NAA16: variants seen among roughly 807,000 people sequenced by gnomAD.
NAA16 encodes NARG1-like protein.
Under a neutral mutation model 110.3 loss-of-function variants are expected in NAA16, and 97 were observed. That is an observed-to-expected ratio of 0.88 (90% CI 0.75 to 1.04). NAA16 has a LOEUF of 1.04. Among genes scored for constraint, NAA16 ranks in the 50% least tolerant of loss-of-function variants. The probability of loss-of-function intolerance (pLI) is 0.00; values close to 1 mark genes in which losing one functional copy is unlikely to be tolerated. For synonymous variants in NAA16, 372 were observed against 330.6 expected (o/e 1.13, Z -1.36); for missense variants, 1,017 against 1,005.1 (o/e 1.01, Z -0.16).
chr13:41,334,534 A>G (rs1014005206), intron 8 of NAA16, among the ~76,000 whole-genome samples: 1 of 152,186 alleles, frequency 6.6e-6, no homozygotes, highest in African/African-American at 2.4e-5. Context: ...TATGGACATC[A>G]TGTTTTGGGG....
chr13:41,341,993 G>A (rs1380547100), intron 9 of NAA16, among the ~76,000 whole-genome samples: 1 of 151,332 alleles, frequency 6.6e-6, no homozygotes, highest in African/African-American at 2.4e-5. Context: ...TACCATGCCC[G>A]GCTAATTTTT....
chr13:41,375,708 GATTTTTAAATGGCATATTCTGTAAGCTT>G lies in NAA16; in HGVS notation c.*112_*139del. 1 of 854,852 alleles carries G rather than the reference GATTTTTAAATGGCATATTCTGTAAGCTT, an allele frequency of 1.2e-6. No homozygotes were observed. Among genetic ancestry groups the G allele is most frequent in the Non-Finnish European group, 1.8e-6 (1 of 571,124 alleles). 53.0% of individuals were successfully genotyped at this position (854,852 alleles called of 1,614,324 possible). A position where few individuals can be genotyped will look rare whatever the true frequency, so the allele number is the denominator to read the frequency against. ...CGTATGAAATGAAATATTTGGTTAG[GATTTTTAAATGGCATATTCTGTAAGCTT>G]ATTTTGTTCTTTACCCGACCTGCCA... On this transcript the variant is annotated 3_prime_UTR_variant, in exon 20 of 20. Coordinates refer to ENST00000379406, the MANE Select transcript of NAA16 (RefSeq NM_024561.5).
chr13:41,314,791 A>G (rs1332678411), intron 1 of NAA16, among the ~76,000 whole-genome samples: 1 of 151,554 alleles, frequency 6.6e-6, no homozygotes, highest in Non-Finnish European at 1.5e-5. Flanking sequence ...GCCCAGGAGC[A>G]AAAGACCAAC....
intron 1 of NAA16, among the ~76,000 whole-genome samples, chr13:41,312,274 A>G (rs2041632682): frequency 6.6e-6 from 1 of 152,216 alleles, no homozygotes; most frequent in Non-Finnish European, 1.5e-5. Flanking sequence ...TGCTTGAGTA[A>G]TTAAAGCCGC....
intron 13 of NAA16, chr13:41,362,899 A>G: frequency 1.7e-6 from 2 of 1,173,842 alleles, no homozygotes; most frequent in South Asian, 1.7e-5. Flanking sequence ...GCACCGTGGC[A>G]GTCACTTTGG....
In NAA16 at chr13:41,356,730, C is replaced by CA. The variant is rs1403606957; in HGVS notation, c.1087+1521dup. Among the ~76,000 whole-genome samples the CA allele has an allele frequency of 5.3e-5, 8 of 152,212 alleles. No homozygotes were observed. The East Asian group carries it at 9.7e-4, about 18-fold the overall frequency. On this transcript the variant is annotated intron_variant, in intron 10 of 19. Transcript: ENST00000379406. The stretch of plus-strand genomic sequence containing the variant: ...AGAACAATAACTCTCCCCTCCCTTT[C>CA]AAAAAAACAGTCATTTGTTGAAAGG...
At chr13:41,344,237 A>G (rs2042626530) in intron 9 of NAA16, among the ~76,000 whole-genome samples, 1 of 152,188 alleles carries the variant, frequency 6.6e-6, no homozygotes, top group Non-Finnish European at 1.5e-5. Context: ...GTAAACATCA[A>G]TTTGTATTGC....
intron 9 of NAA16, among the ~76,000 whole-genome samples, chr13:41,340,706 C>G (rs572694774): frequency 6.7e-4 from 75 of 112,410 alleles, no homozygotes; most frequent in Non-Finnish European, 1.0e-3. Flanking sequence ...GACGGAGTCT[C>G]TCTCATTGCG....
intron 1 of NAA16, 110 bp from the exon 2 acceptor site, chr13:41,316,736 A>C: frequency 1.5e-6 from 1 of 679,158 alleles, no homozygotes. Context: ...CCTTTCTATC[A>C]CATTTTAGAC....
At chr13:41,346,572 G>A (rs748191375) in intron 9 of NAA16, among the ~76,000 whole-genome samples, 7 of 152,154 alleles carry the variant, frequency 4.6e-5, no homozygotes. Context: ...GGGTAGGGCA[G>A]GGCGAACAGT....
In NAA16 at chr13:41,367,515, T is replaced by G; in HGVS notation, c.1616T>G (p.Val539Gly). The change falls in exon 14 of 20, where the codon GTT becomes GGT. Residue 539 changes from valine to glycine, a missense_variant. Coordinates refer to ENST00000379406, the MANE Select transcript of NAA16 (RefSeq NM_024561.5). ...AGAAAGATGACCCTTCGTGCCTATG[T>G]TGACCTTTTGAGATTAGAAGATATA... ...CMRKMTLRAYVDLLRLEDILR... is the reference protein window; with the variant it reads ...CMRKMTLRAYGDLLRLEDILR... 1.9e-6 allele frequency: 3 copies of G among 1,613,498 alleles called. No individual in the cohort carries two copies. The highest frequency in any genetic ancestry group is 2.5e-6 in the Non-Finnish European group (3 of 1,179,674).
intron 3 of NAA16, among the ~76,000 whole-genome samples, chr13:41,319,713 C>T (rs1391964823): frequency 2.6e-5 from 4 of 151,522 alleles, no homozygotes; most frequent in African/African-American, 7.3e-5. Context: ...GATGGAGTTT[C>T]GCCATGTTGG....
At chr13:41,366,498 A>G (rs2043209793) in intron 13 of NAA16, among the ~76,000 whole-genome samples, 2 of 152,200 alleles carry the variant, frequency 1.3e-5, no homozygotes, top group Non-Finnish European at 2.9e-5. Flanking sequence ...AAATGCATGC[A>G]GGGGAACAGT....
At chr13:41,372,698 TA>T (rs1410980207) in intron 16 of NAA16, 33 bp from the exon 17 acceptor site, 8 of 1,566,638 alleles carry the variant, frequency 5.1e-6, no homozygotes, top group Non-Finnish European at 6.9e-6. Flanking sequence ...GTGTAAGTAT[TA>T]ATGCTATTAC....
chr13:41,330,446 C>T (rs1343363758), intron 7 of NAA16, among the ~76,000 whole-genome samples: 1 of 151,976 alleles, frequency 6.6e-6, no homozygotes, highest in Non-Finnish European at 1.5e-5. Context: ...GTGGTTTAGA[C>T]CACAGAATTT....
At chr13:41,365,524 A>G (rs186003638) in intron 13 of NAA16, among the ~76,000 whole-genome samples, 1 of 152,336 alleles carries the variant, frequency 6.6e-6, no homozygotes, top group African/African-American at 2.4e-5. Flanking sequence ...TCCAAAAGCA[A>G]ATATTACAAT....
rs532947616 is a variant in NAA16 at position 41,372,688 on chromosome 13, G to A, written c.2057-44G>A. ...ACTGAAATAAAGTGAGGAAAATACT[G>A]TGTAAGTATTAATGCTATTACTTTT... On this transcript the variant is annotated intron_variant, in intron 16 of 19. Coordinates refer to ENST00000379406, the MANE Select transcript of NAA16 (RefSeq NM_024561.5). 4.0e-6 allele frequency: 6 copies of A among 1,516,208 alleles called. No individual in the cohort carries two copies. In the South Asian group the frequency reaches 6.6e-5, roughly 17 times the overall value. The allele number at this position is 1,516,208 out of a possible 1,614,324, so 93.9% of individuals were successfully genotyped here.
intron 9 of NAA16, among the ~76,000 whole-genome samples, chr13:41,338,101 TTC>T (rs2042432058): frequency 6.6e-6 from 1 of 152,228 alleles, no homozygotes; most frequent in Non-Finnish European, 1.5e-5. Flanking sequence ...TGCCAATAAT[TTC>T]TCTAGATTAT....
rs755121734 is a variant in NAA16, at chr13:41,367,532, G to A, written c.1633G>A (p.Glu545Lys). ...TGCCTATGTTGACCTTTTGAGATTA[G>A]AAGATATACTCAGAAGACATGCCTT... ...LRAYVDLLRL[E>K]DILRRHAFYF... The change falls in exon 14 of 20, where the codon GAA becomes AAA. Residue 545 changes from glutamate to lysine, a missense_variant. Physicochemically the swap from Glu to Lys is moderately conservative, Grantham distance 56. Transcript: ENST00000379406. 5 of 1,612,754 alleles carry A rather than the reference G, an allele frequency of 3.1e-6. No individual in the cohort carries two copies. Among genetic ancestry groups the A allele is most frequent in the Non-Finnish European group, 4.2e-6 (5 of 1,179,220 alleles).
Sources: allele counts gnomAD v4.1 joint callset (sites outside exome capture counted in the v4.1 genomes callset), GRCh38; gene constraint gnomAD v4.1.1; transcripts MANE v1.5; gene names NCBI Gene and HGNC (gene_info 2026-07-23, HGNC 2026-07-21).